AGT: variants seen among roughly 807,000 people sequenced by gnomAD.
The protein encoded by AGT is angiotensinogen.
A neutral mutation model predicts 28.1 loss-of-function variants in AGT; 26 were observed. The ratio of observed to expected loss-of-function variants is 0.92; its 90% confidence interval spans 0.68 to 1.28. The LOEUF is 1.28. Ranked by LOEUF, AGT falls within the 50% of genes most tolerant of loss-of-function variation. The probability of loss-of-function intolerance (pLI) is 0.00; values close to 1 mark genes in which losing one functional copy is unlikely to be tolerated. For synonymous variants in AGT, 259 were observed against 259.6 expected (o/e 1.00, Z 0.02); for missense variants, 596 against 592.3 (o/e 1.01, Z -0.06).
In AGT at chr1:230,710,569, T is replaced by G. The variant is rs1571977262; in HGVS notation, c.255A>C (p.Lys85Asn). The G allele has an allele frequency of 1.2e-6, 2 of 1,614,186 alleles. No individual in the cohort carries two copies. Among genetic ancestry groups the G allele is most frequent in the Non-Finnish European group, 1.7e-6 (2 of 1,180,042 alleles). Reference sequence around the variant, plus strand: ...CCCTCAACTTGTCTTCGGTGTCAAGTTTTGCAGCGACTAGCACCAGCTGGT... The same window carrying G: ...CCCTCAACTTGTCTTCGGTGTCAAGGTTTGCAGCGACTAGCACCAGCTGGT... The part of the protein sequence containing the change: ...LQDQLVLVAA[K>N]LDTEDKLRAA... The change falls in exon 2 of 5, where the codon AAA becomes AAC. Residue 85 changes from lysine (K) to asparagine (N), a missense_variant. Physicochemically the swap from Lys to Asn is moderately conservative, Grantham distance 94. Coordinates refer to ENST00000366667, the MANE Select transcript of AGT (RefSeq NM_001384479.1).
At chr1:230,730,995 C>T (rs916484658) in intron 1 of AGT, among the ~76,000 whole-genome samples, 3 of 152,186 alleles carry the variant, frequency 2.0e-5, no homozygotes, top group African/African-American at 7.2e-5. Context: ...CTGTAAACCA[C>T]ACCCTATAGC....
At chr1:230,704,471 T>C (rs1418692826) in intron 3 of AGT, 134 bp from the exon 4 acceptor site, 1 of 1,213,884 alleles carries the variant, frequency 8.2e-7, no homozygotes, top group Non-Finnish European at 1.2e-6. Flanking sequence ...CCCAACTAAG[T>C]CATCCTCCCC....
At chr1:230,722,366 G>A (rs1295009078) in intron 1 of AGT, among the ~76,000 whole-genome samples, 1 of 152,254 alleles carries the variant, frequency 6.6e-6, no homozygotes, top group South Asian at 2.1e-4. Context: ...ATGTGGAAGG[G>A]AAATGTGGGG....
Position 230,706,145 on chromosome 1 carries a change from G to A in AGT, c.885C>T (p.Asn295=), listed in dbSNP as rs61757178. Residue 295 remains asparagine (N), a synonymous_variant, in exon 3 of 5, where the codon AAC becomes AAT. Transcript: ENST00000366667. The part of the protein sequence containing the change: ...LAEPQEFWVD[N]STSVSVPMLS... ...GCATGGGAACAGACACTGAGGTGCT[G>A]TTGTCCACCCAGAACTCCTGGGGCT... is the stretch of plus-strand genomic sequence containing the variant. 7,529 of 1,614,104 alleles carry A rather than the reference G, an allele frequency of 4.7e-3. 28 individuals carry two copies. Among genetic ancestry groups the A allele is most frequent in the Non-Finnish European group, 6.0e-3 (7,046 of 1,180,002 alleles).
intron 1 of AGT, among the ~76,000 whole-genome samples, chr1:230,730,658 C>T (rs1440952980): frequency 1.3e-5 from 2 of 152,140 alleles, no homozygotes; most frequent in Admixed American, 1.3e-4. Context: ...TAGCAGATTG[C>T]TTGTGGTGTG....
chr1:230,719,414 T>TGTTTG (rs1558291320), upstream of AGT, among the ~76,000 whole-genome samples: 4 of 104,336 alleles, frequency 3.8e-5, no homozygotes, highest in African/African-American at 1.2e-4. Context: ...ATGTTTTTTT[T>TGTTTG]TTTTTTTTTT....
At chr1:230,703,445 G>T in intron 4 of AGT, 116 bp from the exon 5 acceptor site, 1 of 1,107,358 alleles carries the variant, frequency 9.0e-7, no homozygotes, top group Non-Finnish European at 1.3e-6. Flanking sequence ...GTCCTGGAGG[G>T]GGACATTTTC....
At chr1:230,736,541 C>G (rs947893867) in intron 1 of AGT, among the ~76,000 whole-genome samples, 3 of 152,090 alleles carry the variant, frequency 2.0e-5, no homozygotes, top group Non-Finnish European at 4.4e-5. Context: ...TTATTTCGAA[C>G]ACTTTTGTTT....
rs181755860 is a variant in AGT at position 230,724,880 on chromosome 1, G to A, written c.-30-14027C>T. Among the ~76,000 whole-genome samples the A allele has an allele frequency of 6.6e-5, 10 of 152,272 alleles. No homozygotes were observed. The East Asian group carries it at 1.5e-3, about 24-fold the overall frequency. On this transcript the variant is annotated intron_variant, in intron 1 of 4. Coordinates refer to the AGT transcript ENST00000681269. ...CAAAATTTAGATGTGCAGAATTTGA[G>A]CCTGAGACATTGGACTTGACTACAG...
chr1:230,732,935 G>A (rs1432251349), intron 1 of AGT, among the ~76,000 whole-genome samples: 1 of 151,762 alleles, frequency 6.6e-6, no homozygotes, highest in Non-Finnish European at 1.5e-5. Context: ...ATGCAGACAG[G>A]TACCTAAAAC....
intron 2 of AGT, among the ~76,000 whole-genome samples, chr1:230,707,000 C>T (rs1260769228): frequency 2.6e-5 from 4 of 152,212 alleles, no homozygotes; most frequent in Admixed American, 1.3e-4. Flanking sequence ...ACGCAGGCCC[C>T]GGAAACGAGG....
rs754176245 is a variant in AGT at position 230,710,045 on chromosome 1, C to T, written c.779G>A (p.Gly260Glu). Residue 260 changes from glycine (G) to glutamate (E), a missense_variant, in exon 2 of 5, where the codon GGA becomes GAA. By Grantham distance (98) the Gly-to-Glu change is moderately conservative (BLOSUM62 -2). Transcript: ENST00000366667. ...AGCCAGGGTGCTGTCCACACTGGCTCCCATCAGGGAGCAGCCAGTCTTCCA... is the reference window on the plus strand; with the variant it reads ...AGCCAGGGTGCTGTCCACACTGGCTTCCATCAGGGAGCAGCCAGTCTTCCA... ...TGWKTGCSLM[G>E]ASVDSTLAFN... The T allele has an allele frequency of 2.5e-6, 4 of 1,614,066 alleles. No homozygotes were observed. The highest frequency in any genetic ancestry group is 1.1e-5 in the South Asian group (1 of 91,078).
At chr1:230,719,953 A>AC (rs1178166825) in intron 1 of AGT, among the ~76,000 whole-genome samples, 4 of 152,204 alleles carry the variant, frequency 2.6e-5, no homozygotes, top group Non-Finnish European at 4.4e-5. Context: ...TTCTATTGCA[A>AC]CAGGGGTCAA....
At chr1:230,728,529 G>A (rs1323474162) in intron 1 of AGT, among the ~76,000 whole-genome samples, 1 of 152,292 alleles carries the variant, frequency 6.6e-6, no homozygotes, top group East Asian at 1.9e-4. Context: ...GTCATAATTT[G>A]CTCACCGTTA....
intron 1 of AGT, among the ~76,000 whole-genome samples, chr1:230,734,538 G>A (rs1664121623): frequency 6.6e-6 from 1 of 151,892 alleles, no homozygotes; most frequent in East Asian, 1.9e-4. Context: ...GGTTAAGGTT[G>A]TAAATTTTAT....
chr1:230,735,632 C>G (rs1284794637), intron 1 of AGT, among the ~76,000 whole-genome samples: 2 of 152,104 alleles, frequency 1.3e-5, no homozygotes, highest in Non-Finnish European at 2.9e-5. Context: ...CCCTGCTCCA[C>G]CTCCTGGGAG....
intron 3 of AGT, among the ~76,000 whole-genome samples, chr1:230,705,234 G>T (rs115619815): frequency 1.3e-5 from 2 of 152,134 alleles, no homozygotes; most frequent in Non-Finnish European, 2.9e-5. Context: ...ACTCGAAAAT[G>T]GTTACGATGG....
At chr1:230,745,363 G>A (rs1664331803) in intron 1 of AGT, among the ~76,000 whole-genome samples, 1 of 152,186 alleles carries the variant, frequency 6.6e-6, no homozygotes, top group South Asian at 2.1e-4. Context: ...CGATTATCCT[G>A]ATTCACAGCT....
intron 1 of AGT, among the ~76,000 whole-genome samples, chr1:230,711,844 T>G (rs1413682763): frequency 6.6e-6 from 1 of 150,770 alleles, no homozygotes; most frequent in East Asian, 1.9e-4. Flanking sequence ...AATAGAAAAT[T>G]CTCAGGTGAC....
Sources: gnomAD v4.1 joint callset for allele counts (sites outside exome capture counted in the v4.1 genomes callset) on GRCh38, gnomAD v4.1.1 for gene constraint, MANE v1.5 for transcripts, NCBI Gene and HGNC (gene_info 2026-07-23, HGNC 2026-07-21) for gene names.